The following KLHL1 variants were observed in gnomAD, a reference collection of about 807,000 sequenced individuals.
The protein encoded by KLHL1 is kelch like family member 1.
In KLHL1, 47 loss-of-function variants were observed where a neutral mutation model predicts 77.7. The ratio of observed to expected loss-of-function variants is 0.60; its 90% CI spans 0.48 to 0.77. The LOEUF (loss-of-function observed/expected upper bound fraction) is 0.77, where lower values mean the gene tolerates loss of function less well. Among genes scored for constraint, KLHL1 ranks in the 30% least tolerant of loss-of-function variants. KLHL1 has a pLI of 0.00. For missense variants in KLHL1, 925 were observed against 910.8 expected (o/e 1.02, Z -0.20); for synonymous variants, 360 against 325.2 (o/e 1.11, Z -1.15).
chr13:69,974,441 G>T (rs1276666284), intron 2 of KLHL1, among the ~76,000 whole-genome samples: 1 of 151,340 alleles, frequency 6.6e-6, no homozygotes, highest in Admixed American at 6.6e-5. Context: ...CAGTAATAAA[G>T]AAAACAATGT....
intron 1 of KLHL1, among the ~76,000 whole-genome samples, chr13:70,040,117 C>T (rs1023726320): frequency 1.3e-5 from 2 of 152,080 alleles, no homozygotes; most frequent in African/African-American, 4.8e-5. Context: ...TATCTACATG[C>T]ATTGGTAATC....
At chr13:69,702,378 CAAT>C (rs1411559802) in intron 10 of KLHL1, among the ~76,000 whole-genome samples, 3 of 151,526 alleles carry the variant, frequency 2.0e-5, no homozygotes, top group Non-Finnish European at 3.0e-5. Context: ...ATATTAAAAA[CAAT>C]AATTTTTACA....
chr13:69,947,818 A>T (rs561888784), intron 3 of KLHL1, among the ~76,000 whole-genome samples: 38 of 152,266 alleles, frequency 2.5e-4, no homozygotes, highest in African/African-American at 8.4e-4. Context: ...CCAGACCTAG[A>T]TGTAAAAAGG....
At chr13:69,712,480 T>C (rs1459077791) in intron 9 of KLHL1, among the ~76,000 whole-genome samples, 1 of 152,132 alleles carries the variant, frequency 6.6e-6, no homozygotes, top group Non-Finnish European at 1.5e-5. Flanking sequence ...TTTGCCATAA[T>C]CAAGATTCTT....
intron 7 of KLHL1, among the ~76,000 whole-genome samples, chr13:69,762,817 T>C (rs533449331): frequency 1.6e-4 from 25 of 151,768 alleles, no homozygotes; most frequent in East Asian, 3.9e-4. Flanking sequence ...TGTGCACCCA[T>C]GGGGTATATC....
chr13:70,065,633 G>A (rs1886989804), intron 1 of KLHL1, among the ~76,000 whole-genome samples: 1 of 152,120 alleles, frequency 6.6e-6, no homozygotes, highest in Non-Finnish European at 1.5e-5. Flanking sequence ...AAAATTTTAG[G>A]GTACAAAAGA....
At chr13:69,721,843 T>C (rs926875583) in intron 8 of KLHL1, among the ~76,000 whole-genome samples, 6 of 152,106 alleles carry the variant, frequency 3.9e-5, no homozygotes, top group African/African-American at 1.4e-4. Context: ...AATCTTGTGG[T>C]ATGCTAAAAT....
chr13:69,938,783 C>A (rs1459549583), intron 4 of KLHL1, among the ~76,000 whole-genome samples: 2 of 152,098 alleles, frequency 1.3e-5, no homozygotes, highest in African/African-American at 4.8e-5. Context: ...AATTGCATAT[C>A]TTCTTCCTTT....
At chr13:69,917,336 T>A (rs1031352354) in intron 4 of KLHL1, among the ~76,000 whole-genome samples, 2 of 152,000 alleles carry the variant, frequency 1.3e-5, no homozygotes, top group African/African-American at 4.8e-5. Flanking sequence ...ATATATGAAG[T>A]GATAGGAGAG....
intron 1 of KLHL1, among the ~76,000 whole-genome samples, chr13:70,025,456 G>A (rs896135059): frequency 6.6e-6 from 1 of 151,744 alleles, no homozygotes; most frequent in East Asian, 1.9e-4. Context: ...TGTTTTTTAT[G>A]CACTTTTCCT....
At chr13:70,081,503 G>C (rs1335686192) in intron 1 of KLHL1, among the ~76,000 whole-genome samples, 1 of 152,154 alleles carries the variant, frequency 6.6e-6, no homozygotes, top group Non-Finnish European at 1.5e-5. Flanking sequence ...TCATTTTGCT[G>C]TTGGTTGTCA....
rs144527919 is a variant in KLHL1, at chr13:69,709,917, T to C, written c.2016-2121A>G. ...TTTAAAGTGAATAATTTATGTAGAA[T>C]ACAGTCTGGATTTTGTCACCATCCT... is the stretch of plus-strand genomic sequence containing the variant. On this transcript the variant is annotated intron_variant, in intron 9 of 10. Coordinates refer to ENST00000377844, the MANE Select transcript of KLHL1 (RefSeq NM_020866.3). Among the ~76,000 whole-genome samples the C allele has an allele frequency of 2.3e-3, 356 of 151,976 alleles. 1 individual carries two copies. Among genetic ancestry groups the C allele is most frequent in the African/African-American group, 8.1e-3 (338 of 41,522 alleles).
In KLHL1 at chr13:70,107,743, T is replaced by G. The variant is rs766748389; in HGVS notation, c.-44A>C. On this transcript the variant is annotated 5_prime_UTR_variant, in exon 1 of 11. Coordinates refer to ENST00000377844, the MANE Select transcript of KLHL1 (RefSeq NM_020866.3). ...AAAAGGCTGGCAGCTCACGCAGGAG[T>G]AGGCTGGTCAGCAGGTGGGGGAGGA... 2 of 1,435,124 alleles carry G rather than the reference T, an allele frequency of 1.4e-6. No homozygotes were observed. The highest frequency in any genetic ancestry group is 2.8e-5 in the South Asian group (2 of 70,878). The allele number at this position is 1,435,124 out of a possible 1,614,324, so 88.9% of individuals were successfully genotyped here. A position where few individuals can be genotyped will look rare whatever the true frequency, so the allele number is the denominator to read the frequency against.
intron 7 of KLHL1, among the ~76,000 whole-genome samples, chr13:69,779,236 AG>A (rs1875998756): frequency 1.3e-5 from 2 of 152,236 alleles, no homozygotes; most frequent in Non-Finnish European, 2.9e-5. Flanking sequence ...CGAATTCAAA[AG>A]GCCACAGAAG....
intron 1 of KLHL1, among the ~76,000 whole-genome samples, chr13:70,021,028 C>T (rs925093966): frequency 6.6e-6 from 1 of 151,994 alleles, no homozygotes; most frequent in Non-Finnish European, 1.5e-5. Flanking sequence ...TATGTTGATA[C>T]CTTATTATTA....
intron 5 of KLHL1, among the ~76,000 whole-genome samples, chr13:69,843,009 T>C (rs1879327174): frequency 6.6e-6 from 1 of 151,570 alleles, no homozygotes; most frequent in Non-Finnish European, 1.5e-5. Context: ...GGTAGAGAGT[T>C]GAAAGACAGA....
intron 1 of KLHL1, among the ~76,000 whole-genome samples, chr13:70,098,900 AT>A (rs956083512): frequency 2.0e-5 from 3 of 151,742 alleles, no homozygotes; most frequent in Non-Finnish European, 4.4e-5. Context: ...CAAATTTTCC[AT>A]TTTTTAGGAC....
intron 7 of KLHL1, among the ~76,000 whole-genome samples, chr13:69,744,095 G>A (rs1039842867): frequency 5.3e-5 from 8 of 152,066 alleles, no homozygotes; most frequent in South Asian, 2.1e-4. Flanking sequence ...TTTTAAAGTC[G>A]TAGTCCTAGA....
intron 1 of KLHL1, among the ~76,000 whole-genome samples, chr13:70,029,063 G>T (rs563297192): frequency 6.6e-6 from 1 of 151,758 alleles, no homozygotes; most frequent in Admixed American, 6.6e-5. Context: ...ATCAGTAACC[G>T]CTATATAATG....
Sources: gnomAD v4.1 joint callset for allele counts (sites outside exome capture counted in the v4.1 genomes callset) on GRCh38, gnomAD v4.1.1 for gene constraint, MANE v1.5 for transcripts, NCBI Gene and HGNC (gene_info 2026-07-23, HGNC 2026-07-21) for gene names.